Variants in TRPM3 observed in about 807,000 individuals in gnomAD.
TRPM3 encodes transient receptor potential cation channel subfamily M member 3.
Under a neutral mutation model 181.2 loss-of-function variants are expected in TRPM3, and 77 were observed. That is an observed-to-expected ratio of 0.42 (90% CI 0.35 to 0.51). The LOEUF (loss-of-function observed/expected upper bound fraction) is 0.51, where lower values mean the gene tolerates loss of function less well. Ranked by LOEUF, TRPM3 falls within the 20% of genes least tolerant of loss-of-function variation. TRPM3 has a pLI of 0.01. For synonymous variants in TRPM3, 745 were observed against 796.4 expected, an observed-to-expected ratio of 0.94 and a Z score of 1.09; for missense variants, 1,759 against 2,196.7, an observed-to-expected ratio of 0.80 and a Z score of 3.98.
intron 1 of TRPM3, among the ~76,000 whole-genome samples, chr9:70,867,683 C>A (rs2095680758): frequency 6.6e-6 from 1 of 152,030 alleles, no homozygotes; most frequent in South Asian, 2.1e-4. Context: ...AAGTATAAGA[C>A]ACAATAGAAA....
Position 70,554,071 on chromosome 9 carries a change from A to G in TRPM3, c.3224-761T>C, listed in dbSNP as rs183854859. 2.7e-3 allele frequency among the ~76,000 whole-genome samples: 403 copies of G among 148,438 alleles called. 1 individual carries two copies. Among genetic ancestry groups the G allele is most frequent in the African/African-American group, 7.7e-3 (314 of 40,540 alleles). The stretch of plus-strand genomic sequence containing the variant: ...AGTGGATAAATGGGCAAATGGGGGG[A>G]AAAAAAAAGCCTGGAGGTGGGGGTG... On this transcript the variant is annotated intron_variant, in intron 22 of 25. Transcript: ENST00000677713.
intron 1 of TRPM3, among the ~76,000 whole-genome samples, chr9:71,343,504 G>A (rs1228364349): frequency 6.6e-6 from 1 of 152,084 alleles, no homozygotes; most frequent in African/African-American, 2.4e-5. Flanking sequence ...ATTGTTGAGA[G>A]CTAGGACACT....
upstream of TRPM3, chr9:71,446,931 C>T (rs1205555321): frequency 2.4e-6 from 3 of 1,268,638 alleles, no homozygotes; most frequent in Middle Eastern, 2.8e-4. Context: ...GCGCGGCTCT[C>T]GGTTGGCGCT....
At chr9:70,796,850 T>A (rs2087186391) in intron 6 of TRPM3, among the ~76,000 whole-genome samples, 1 of 152,096 alleles carries the variant, frequency 6.6e-6, no homozygotes, top group Admixed American at 6.5e-5. Flanking sequence ...GGCAGGGGGC[T>A]GGGCATGGTG....
At chr9:71,078,605 A>C (rs2063790900) in intron 1 of TRPM3, among the ~76,000 whole-genome samples, 3 of 152,236 alleles carry the variant, frequency 2.0e-5, no homozygotes, top group African/African-American at 7.2e-5. Flanking sequence ...GTTTTAAAGT[A>C]GTGAGTCTTG....
At chr9:70,915,676 T>C (rs2096587163) in intron 1 of TRPM3, among the ~76,000 whole-genome samples, 1 of 150,784 alleles carries the variant, frequency 6.6e-6, no homozygotes, top group Non-Finnish European at 1.5e-5. Context: ...GCAAGCTATT[T>C]GAAAATACAT....
intron 9 of TRPM3, among the ~76,000 whole-genome samples, chr9:70,641,852 G>A (rs1157676476): frequency 1.3e-5 from 2 of 152,234 alleles, no homozygotes; most frequent in Non-Finnish European, 2.9e-5. Context: ...GCAACATTAG[G>A]CTCCAGGCAG....
intron 6 of TRPM3, among the ~76,000 whole-genome samples, chr9:70,791,915 G>A (rs1301524264): frequency 1.3e-5 from 2 of 152,184 alleles, no homozygotes; most frequent in Middle Eastern, 6.8e-3. Flanking sequence ...AATGCCCATC[G>A]ACTGGCCTTC....
intron 1 of TRPM3, among the ~76,000 whole-genome samples, chr9:71,170,000 CAAAAAA>C (rs34087746): frequency 3.9e-5 from 3 of 77,164 alleles, no homozygotes; most frequent in Middle Eastern, 7.5e-3. Context: ...GACTCTGTCT[CAAAAAA>C]AAAAAAAAAA....
intron 11 of TRPM3, among the ~76,000 whole-genome samples, chr9:70,637,084 T>G (rs2057337875): frequency 6.6e-6 from 1 of 152,182 alleles, no homozygotes; most frequent in Non-Finnish European, 1.5e-5. Flanking sequence ...AGAGCTCTTT[T>G]TCCACTGAGG....
At chr9:71,334,987 A>T (rs77631680) in intron 1 of TRPM3, among the ~76,000 whole-genome samples, 14,362 of 152,166 alleles carry the variant, frequency 0.094, 1,128 homozygotes, top group African/African-American at 0.22. Flanking sequence ...GGTAATAATA[A>T]ATGATGGAAT....
chr9:70,648,737 A>G (rs1303403147), intron 9 of TRPM3, among the ~76,000 whole-genome samples: 1 of 152,166 alleles, frequency 6.6e-6, no homozygotes, highest in Non-Finnish European at 1.5e-5. Context: ...CTAACAAGCA[A>G]TAGGGCAAGG....
At chr9:70,548,870 T>G (rs866010384) in intron 25 of TRPM3, among the ~76,000 whole-genome samples, 1 of 114,974 alleles carries the variant, frequency 8.7e-6, no homozygotes, top group Non-Finnish European at 2.0e-5. Flanking sequence ...CTCTCTCTCT[T>G]TTTAATACGC....
intron 1 of TRPM3, among the ~76,000 whole-genome samples, chr9:71,178,584 T>C (rs2077231707): frequency 6.6e-6 from 1 of 152,168 alleles, no homozygotes; most frequent in Admixed American, 6.6e-5. Context: ...ATATTTTTTC[T>C]ACTGTGGAAA....
chr9:71,103,162 T>C (rs887304866), intron 1 of TRPM3, among the ~76,000 whole-genome samples: 1 of 152,208 alleles, frequency 6.6e-6, no homozygotes, highest in African/African-American at 2.4e-5. Flanking sequence ...CCATCCTCAA[T>C]AAATTACATG....
chr9:70,964,346 A>C (rs2097165401), intron 1 of TRPM3, among the ~76,000 whole-genome samples: 1 of 152,152 alleles, frequency 6.6e-6, no homozygotes, highest in African/African-American at 2.4e-5. Flanking sequence ...GAGTTAATTA[A>C]CAGAGAGGTA....
intron 1 of TRPM3, among the ~76,000 whole-genome samples, chr9:71,222,431 G>A (rs1475187936): frequency 6.6e-6 from 1 of 152,174 alleles, no homozygotes; most frequent in African/African-American, 2.4e-5. Flanking sequence ...ATTCATATGT[G>A]TTCTTTCTGA....
At chr9:71,349,899 A>G (rs981418329) in intron 1 of TRPM3, among the ~76,000 whole-genome samples, 2 of 151,556 alleles carry the variant, frequency 1.3e-5, no homozygotes, top group Non-Finnish European at 2.9e-5. Flanking sequence ...TCACTCCATC[A>G]TAATAGTGTT....
rs2131555120 is a variant in TRPM3 at position 70,533,940 on chromosome 9, G to T, written c.*2013C>A. On this transcript the variant is annotated 3_prime_UTR_variant, in exon 26 of 26. Transcript: ENST00000677713. ...ATATTTAAAGGCCATGTATTTACTT[G>T]ATTTCACAAAATAAAGTAAAACTTG... 1 of 152,230 alleles carries T rather than the reference G, an allele frequency of 6.6e-6. No homozygotes were observed. Among genetic ancestry groups the T allele is most frequent in the South Asian group, 2.1e-4 (1 of 4,820 alleles). The allele number at this position is 152,230 out of a possible 1,614,324, so 9.4% of individuals were successfully genotyped here. A position where few individuals can be genotyped will look rare whatever the true frequency, so the allele number is the denominator to read the frequency against.
Sources: allele counts gnomAD v4.1 joint callset (sites outside exome capture counted in the v4.1 genomes callset), GRCh38; gene constraint gnomAD v4.1.1; transcripts MANE v1.5; gene names NCBI Gene and HGNC (gene_info 2026-07-23, HGNC 2026-07-21).